The following TMTC2 variants were observed in gnomAD, a reference collection of about 807,000 sequenced individuals.
The protein encoded by TMTC2 is transmembrane O-mannosyltransferase targeting cadherins 2.
A neutral mutation model predicts 82.4 loss-of-function variants in TMTC2; 43 were observed. That is an observed-to-expected ratio of 0.52 (90% CI 0.41 to 0.67). The LOEUF (loss-of-function observed/expected upper bound fraction) is 0.67. Among genes scored for constraint, TMTC2 ranks in the 30% least tolerant of loss-of-function variants. The probability of loss-of-function intolerance (pLI) is 0.00; values close to 1 mark genes in which losing one functional copy is unlikely to be tolerated. For synonymous variants in TMTC2, 408 were observed against 381.9 expected (o/e 1.07, Z -0.80); for missense variants, 919 against 1,012.4 (o/e 0.91, Z 1.25).
intron 4 of TMTC2, among the ~76,000 whole-genome samples, chr12:82,954,931 G>A (rs1408648934): frequency 6.6e-6 from 1 of 152,126 alleles, no homozygotes; most frequent in South Asian, 2.1e-4. Flanking sequence ...GAAATGGTAG[G>A]TTAGACTTTT....
In TMTC2 at chr12:82,995,466, T is replaced by C. The variant is rs143199156; in HGVS notation, c.2070+9420T>C. ...GAACATGTTCACAAGTTCATAAGGT[T>C]TTTGTGATTTCCCCTTATGTTTACC... On this transcript the variant is annotated intron_variant, in intron 8 of 11. Transcript: ENST00000321196. Among the ~76,000 whole-genome samples, 60 of 152,176 alleles carry C rather than the reference T, an allele frequency of 3.9e-4. No homozygotes were observed. In the East Asian group the frequency reaches 9.7e-3, roughly 25 times the overall value.
chr12:82,883,055 C>CAAAAA (rs66496024), intron 2 of TMTC2, among the ~76,000 whole-genome samples: 2 of 68,248 alleles, frequency 2.9e-5, no homozygotes, highest in Non-Finnish European at 3.8e-5. Flanking sequence ...AACTTGGTCT[C>CAAAAA]AAAAAAAAAA....
chr12:82,857,465 G>A lies in TMTC2; in HGVS notation c.539G>A (p.Gly180Glu). Residue 180 changes from glycine to glutamate, a missense_variant, in exon 2 of 12, where the codon GGA becomes GAA. Coordinates refer to ENST00000321196, the MANE Select transcript of TMTC2 (RefSeq NM_152588.3). The stretch of plus-strand genomic sequence containing the variant: ...TTCCTGGGGTCAGGACTGTGCGCAG[G>A]ATGCAGCATGTTGTGGAAGGAACAA... ...GWFLGSGLCA[G>E]CSMLWKEQGV... 1 of 1,614,210 alleles carries A rather than the reference G, an allele frequency of 6.2e-7. No individual in the cohort carries two copies. Among genetic ancestry groups the A allele is most frequent in the Non-Finnish European group, 8.5e-7 (1 of 1,180,048 alleles).
chr12:83,093,445 A>G (rs1225181871), intron 11 of TMTC2, among the ~76,000 whole-genome samples: 1 of 152,092 alleles, frequency 6.6e-6, no homozygotes, highest in African/African-American at 2.4e-5. Flanking sequence ...AGTGATTGAA[A>G]CAGCACTGTG....
chr12:82,917,252 T>G (rs941874072), intron 3 of TMTC2, among the ~76,000 whole-genome samples: 2 of 152,134 alleles, frequency 1.3e-5, no homozygotes, highest in African/African-American at 2.4e-5. Context: ...CTCCTCCCTT[T>G]GTTTTCTTTT....
chr12:83,021,688 G>A (rs148888009), intron 8 of TMTC2, among the ~76,000 whole-genome samples: 1,952 of 152,162 alleles, frequency 0.013, 20 homozygotes, highest in Middle Eastern at 0.02. Context: ...CTTTGAAAGA[G>A]ATCCTGAATC....
intron 11 of TMTC2, among the ~76,000 whole-genome samples, chr12:83,115,916 T>G (rs1034195934): frequency 6.6e-6 from 1 of 152,166 alleles, no homozygotes; most frequent in Non-Finnish European, 1.5e-5. Flanking sequence ...GCCTCCGTAG[T>G]AGCTGGGACT....
chr12:83,124,484 G>C (rs1423849938), intron 11 of TMTC2, among the ~76,000 whole-genome samples: 1 of 151,820 alleles, frequency 6.6e-6, no homozygotes, highest in Non-Finnish European at 1.5e-5. Flanking sequence ...ATTCACTCTG[G>C]TAAGTGTAGC....
intron 3 of TMTC2, among the ~76,000 whole-genome samples, chr12:82,919,745 G>A (rs772681655): frequency 9.8e-5 from 15 of 152,328 alleles, no homozygotes; most frequent in South Asian, 6.2e-4. Context: ...AAAACAATAC[G>A]AAGTCTTAAA....
chr12:82,885,069 C>CTTT lies in TMTC2; in HGVS notation c.655-10737_655-10735dup, dbSNP rs572580486. Reference sequence around the variant, plus strand: ...CCACCACACCTGGCTGATTTTTGTACTTTTTTTTTTTTTTGTAGAGATGGG... The same window carrying CTTT: ...CCACCACACCTGGCTGATTTTTGTACTTTTTTTTTTTTTTTTTGTAGAGATGGG... On this transcript the variant is annotated intron_variant, in intron 2 of 11. Coordinates refer to ENST00000321196, the MANE Select transcript of TMTC2 (RefSeq NM_152588.3). 4.4e-3 allele frequency among the ~76,000 whole-genome samples: 625 copies of CTTT among 141,150 alleles called. 6 individuals carry two copies. Among genetic ancestry groups the CTTT allele is most frequent in the African/African-American group, 0.015 (589 of 38,482 alleles). 92.6% of individuals were successfully genotyped at this position (141,150 alleles called of 152,430 possible).
chr12:82,957,711 A>G (rs1877689615), intron 4 of TMTC2, among the ~76,000 whole-genome samples: 1 of 152,106 alleles, frequency 6.6e-6, no homozygotes, highest in Non-Finnish European at 1.5e-5. Flanking sequence ...AAAGATCCTC[A>G]GAGACTATTA....
chr12:82,760,487 T>TC (rs1385172080), intron 1 of TMTC2: 1 of 149,982 alleles, frequency 6.7e-6, no homozygotes, highest in Non-Finnish European at 1.5e-5. Context: ...TTTTTTTTTT[T>TC]TCTCGAAAGC....
intron 4 of TMTC2, among the ~76,000 whole-genome samples, chr12:82,930,790 A>C (rs886771075): frequency 6.6e-6 from 1 of 152,206 alleles, no homozygotes; most frequent in East Asian, 1.9e-4. Flanking sequence ...ATGCCATGTA[A>C]CATAAATATT....
At chr12:82,987,013 A>G (rs1024589174) in intron 8 of TMTC2, among the ~76,000 whole-genome samples, 2 of 152,194 alleles carry the variant, frequency 1.3e-5, no homozygotes, top group Admixed American at 6.5e-5. Flanking sequence ...CATAGAGCAA[A>G]TGATCAGGAA....
intron 1 of TMTC2, among the ~76,000 whole-genome samples, chr12:82,716,738 A>G (rs766629361): frequency 6.6e-5 from 10 of 152,122 alleles, no homozygotes; most frequent in Non-Finnish European, 1.5e-4. Flanking sequence ...TTATCACCGA[A>G]TCTAAGTAAT....
intron 2 of TMTC2, among the ~76,000 whole-genome samples, chr12:82,859,161 AG>A (rs751370911): frequency 1.4e-3 from 208 of 146,766 alleles, no homozygotes; most frequent in Middle Eastern, 7.1e-3. Context: ...TCCGCCCCCC[AG>A]GTTCAAGCAA....
intron 11 of TMTC2, among the ~76,000 whole-genome samples, chr12:83,066,077 C>T (rs778891068): frequency 1.3e-5 from 2 of 151,858 alleles, no homozygotes; most frequent in Admixed American, 6.6e-5. Flanking sequence ...TTAACCTTGT[C>T]CTTAAGAAAT....
Position 82,858,599 on chromosome 12 carries a change from A to T in TMTC2, c.654+1019A>T, listed in dbSNP as rs1379739805. 2.0e-5 allele frequency among the ~76,000 whole-genome samples: 3 copies of T among 151,990 alleles called. No homozygotes were observed. The East Asian group carries it at 5.8e-4, about 29-fold the overall frequency. ...TTTAAAATTGAGAAGAAATTTAAAA[A>T]CAAATTGAGGCAAATGCTGTTCGAA... On this transcript the variant is annotated intron_variant, in intron 2 of 11. Transcript: ENST00000321196.
At position 82,761,352 on chromosome 12, in the gene TMTC2, G is replaced by A. The variant is rs151068892; in HGVS notation, c.83+73683G>A. 2.0e-5 allele frequency among the ~76,000 whole-genome samples: 3 copies of A among 152,314 alleles called. No individual in the cohort carries two copies. The East Asian group carries it at 5.8e-4, about 29-fold the overall frequency. On this transcript the variant is annotated intron_variant, in intron 1 of 11. Transcript: ENST00000321196. The stretch of plus-strand genomic sequence containing the variant: ...ATGGTTTGTTCTTAAGAGACTTGTG[G>A]CTGGTCAGATAAGAGAAACTGCAGA...
Sources: gnomAD v4.1 joint callset for allele counts (sites outside exome capture counted in the v4.1 genomes callset) on GRCh38, gnomAD v4.1.1 for gene constraint, MANE v1.5 for transcripts, NCBI Gene and HGNC (gene_info 2026-07-23, HGNC 2026-07-21) for gene names.